Variants in COMMD1 observed in about 807,000 individuals in gnomAD.
The protein encoded by COMMD1 is copper metabolism domain containing 1.
COMMD1 carries 10 observed loss-of-function variants against 17.2 expected under a neutral mutation model. The ratio of observed to expected loss-of-function variants is 0.58; its 90% CI spans 0.36 to 0.99. COMMD1 has a LOEUF of 0.99. COMMD1 is among the 50% of genes least tolerant of loss of function. COMMD1 has a pLI of 0.01. For synonymous variants in COMMD1, 97 were observed against 91.6 expected, an observed-to-expected ratio of 1.06 and a Z score of -0.34; for missense variants, 270 against 231.8, an observed-to-expected ratio of 1.17 and a Z score of -1.07.
At chr2:61,972,420 T>G (rs1671674537) in intron 1 of COMMD1, among the ~76,000 whole-genome samples, 1 of 152,224 alleles carries the variant, frequency 6.6e-6, no homozygotes, top group African/African-American at 2.4e-5. Flanking sequence ...CAAGGAGGTG[T>G]CGCATAACTC....
At chr2:62,106,885 A>G (rs940895224) in intron 2 of COMMD1, among the ~76,000 whole-genome samples, 4 of 152,226 alleles carry the variant, frequency 2.6e-5, no homozygotes, top group African/African-American at 9.6e-5. Context: ...GGAGAAAAAT[A>G]TTAATCTACA....
chr2:61,993,961 ATTCC>A (rs1031621409), intron 1 of COMMD1, among the ~76,000 whole-genome samples: 47 of 151,928 alleles, frequency 3.1e-4, no homozygotes, highest in Admixed American at 1.7e-3. Context: ...ATACAAAATA[ATTCC>A]TTCCTTCCTT....
chr2:61,995,970 A>G (rs1487564947), intron 1 of COMMD1, among the ~76,000 whole-genome samples: 3 of 152,252 alleles, frequency 2.0e-5, no homozygotes, highest in Non-Finnish European at 2.9e-5. Context: ...TTCCTAGTGC[A>G]TTAAAGTTGT....
In COMMD1 at chr2:62,000,761, A is replaced by G; in HGVS notation, c.241A>G (p.Lys81Glu). The change falls in exon 2 of 3, where the codon AAA (lysine) becomes GAA (glutamate). Residue 81 changes from lysine (K) to glutamate (E), a missense_variant. Physicochemically the swap from Lys to Glu is moderately conservative, Grantham distance 56. Transcript: ENST00000311832. ...QLEAFLTAQT[K>E]KQGGITSDQA... ...GGAGGCATTCTTGACTGCTCAAACCAAAAAGCAAGGTGGGATCACATCTGA... is the reference window on the plus strand; with the variant it reads ...GGAGGCATTCTTGACTGCTCAAACCGAAAAGCAAGGTGGGATCACATCTGA... 6 of 1,614,144 alleles carry G rather than the reference A, an allele frequency of 3.7e-6. No individual in the cohort carries two copies. Among genetic ancestry groups the G allele is most frequent in the Non-Finnish European group, 4.2e-6 (5 of 1,179,996 alleles).
chr2:61,985,945 A>C (rs1021632845), intron 1 of COMMD1, among the ~76,000 whole-genome samples: 2 of 152,070 alleles, frequency 1.3e-5, no homozygotes, highest in African/African-American at 4.8e-5. Context: ...GTGTTTTTTC[A>C]TATATCTACT....
chr2:62,090,514 G>A (rs1671796553), intron 2 of COMMD1, among the ~76,000 whole-genome samples: 2 of 152,148 alleles, frequency 1.3e-5, no homozygotes. Flanking sequence ...GGAACGCCTG[G>A]TCCTCAATGT....
intron 2 of COMMD1, among the ~76,000 whole-genome samples, chr2:62,067,308 G>A (rs1573141249): frequency 6.6e-6 from 1 of 151,778 alleles, no homozygotes; most frequent in African/African-American, 2.4e-5. Context: ...GTCCTTATAA[G>A]TACTTAAAAT....
chr2:61,921,296 C>T (rs1237874988), intron 1 of COMMD1, among the ~76,000 whole-genome samples: 1 of 151,990 alleles, frequency 6.6e-6, no homozygotes, highest in Non-Finnish European at 1.5e-5. Context: ...TATCTTCAAT[C>T]ATAATACAAT....
rs144089909 is a variant in COMMD1, at chr2:61,900,266, A to G, written n.119+11424A>G. ...GGAAGGTGTACATTGGTTCGGTCCA[A>G]GAAGTCAGGATATGCTGAAGTGGGG... On this transcript the variant is annotated intron_variant and non_coding_transcript_variant, in intron 1 of 2. Coordinates refer to the COMMD1 transcript ENST00000472729. Among the ~76,000 whole-genome samples the G allele has an allele frequency of 3.6e-3, 542 of 152,370 alleles. 3 individuals carry two copies. The highest frequency in any genetic ancestry group is 6.0e-3 in the Non-Finnish European group (407 of 68,032).
chr2:61,944,925 G>A (rs1014616493), intron 1 of COMMD1, among the ~76,000 whole-genome samples: 23 of 152,266 alleles, frequency 1.5e-4, no homozygotes, highest in Non-Finnish European at 2.6e-4. Context: ...CAGAAACCAC[G>A]TGCATGGTTT....
chr2:61,990,526 T>A (rs1158266475), intron 1 of COMMD1, among the ~76,000 whole-genome samples: 2 of 152,070 alleles, frequency 1.3e-5, no homozygotes, highest in Non-Finnish European at 2.9e-5. Context: ...TATGGATTAG[T>A]CAATTTTCAT....
intron 1 of COMMD1, among the ~76,000 whole-genome samples, chr2:61,965,097 G>A (rs1671472218): frequency 6.6e-6 from 1 of 152,100 alleles, no homozygotes; most frequent in African/African-American, 2.4e-5. Flanking sequence ...TTTGTTACCT[G>A]ACTTTTATGT....
chr2:61,888,896 CTTTT>C (rs70946768), intron 1 of COMMD1: 9 of 132,276 alleles, frequency 6.8e-5, no homozygotes, highest in South Asian at 2.1e-4. Context: ...AGGTCCCCTC[CTTTT>C]TTTTTTTTTT....
chr2:62,035,395 T>G (rs911786294), intron 2 of COMMD1, among the ~76,000 whole-genome samples: 3 of 152,182 alleles, frequency 2.0e-5, no homozygotes, highest in African/African-American at 7.2e-5. Flanking sequence ...GTTCTATGTT[T>G]GTGTGTTGAG....
chr2:62,053,294 T>C (rs1670591482), intron 2 of COMMD1, among the ~76,000 whole-genome samples: 1 of 152,090 alleles, frequency 6.6e-6, no homozygotes, highest in Non-Finnish European at 1.5e-5. Flanking sequence ...TAATAGGAAA[T>C]AATTTGCTCA....
intron 2 of COMMD1, among the ~76,000 whole-genome samples, chr2:62,110,980 C>T (rs1177377682): frequency 2.6e-5 from 4 of 151,980 alleles, no homozygotes; most frequent in Non-Finnish European, 4.4e-5. Context: ...AAGATGGCCA[C>T]GAAAAGCACC....
chr2:62,064,197 CAG>C (rs1558583389), intron 2 of COMMD1, among the ~76,000 whole-genome samples: 1 of 151,888 alleles, frequency 6.6e-6, no homozygotes, highest in African/African-American at 2.4e-5. Flanking sequence ...TATTTTGAGA[CAG>C]AGTTTCACTC....
At chr2:62,072,564 C>G (rs146233034) in intron 2 of COMMD1, among the ~76,000 whole-genome samples, 1 of 152,186 alleles carries the variant, frequency 6.6e-6, no homozygotes, top group East Asian at 1.9e-4. Context: ...GAACCTGGGA[C>G]GTGCCGAAGG....
chr2:61,917,281 C>G (rs569495896), intron 1 of COMMD1, among the ~76,000 whole-genome samples: 1 of 151,414 alleles, frequency 6.6e-6, no homozygotes, highest in Non-Finnish European at 1.5e-5. Flanking sequence ...CGCTTGAACC[C>G]GGGAGGCGGA....
Sources: gnomAD v4.1 joint callset for allele counts (sites outside exome capture counted in the v4.1 genomes callset) on GRCh38, gnomAD v4.1.1 for gene constraint, MANE v1.5 for transcripts, NCBI Gene and HGNC (gene_info 2026-07-23, HGNC 2026-07-21) for gene names.